RTN4: variants seen among roughly 807,000 people sequenced by gnomAD.
RTN4 encodes reticulon-4.
Under a neutral mutation model 90.4 loss-of-function variants are expected in RTN4, and 32 were observed. That is an observed-to-expected ratio of 0.35 (90% CI 0.27 to 0.48). RTN4 has a LOEUF of 0.48. RTN4 is among the 20% of genes least tolerant of loss of function. The pLI is 0.99. For synonymous variants in RTN4, 629 were observed against 552.5 expected, an observed-to-expected ratio of 1.14 and a Z score of -1.94; for missense variants, 1,706 against 1,430.2, an observed-to-expected ratio of 1.19 and a Z score of -3.11.
rs1267479812 is a variant in RTN4, at chr2:55,050,023, G to T, written c.278C>A (p.Pro93His). The T allele has an allele frequency of 2.9e-6, 4 of 1,391,122 alleles. No homozygotes were observed. Among genetic ancestry groups the T allele is most frequent in the Non-Finnish European group, 3.7e-6 (4 of 1,079,936 alleles). The allele number at this position is 1,391,122 out of a possible 1,614,324, so 86.2% of individuals were successfully genotyped here. Residue 93 changes from proline to histidine, a missense_variant, in exon 1 of 9, where the codon CCC (proline) becomes CAC (histidine). Pro to His is a moderately conservative substitution (Grantham distance 77, BLOSUM62 -2). Coordinates refer to ENST00000337526, the MANE Select transcript of RTN4 (RefSeq NM_020532.5). The surrounding 1 kb of genome is among the most constrained non-coding windows in gnomAD (Gnocchi z 4.6). ...GGCGACGGGGGGAGCGGCCGGCAGG[G>T]GTCCCCGGGGCGCCGGCGGCACGAA... is the stretch of plus-strand genomic sequence containing the variant. ...NDFVPPAPRG[P>H]LPAAPPVAPE...
At chr2:55,101,964 A>G (rs566239722) in intron 1 of RTN4, among the ~76,000 whole-genome samples, 5 of 152,254 alleles carry the variant, frequency 3.3e-5, no homozygotes, top group African/African-American at 1.2e-4. Flanking sequence ...AAAAGGAAAA[A>G]TAGAGTGAAA....
chr2:55,075,809 C>G (rs906709566), intron 2 of RTN4, among the ~76,000 whole-genome samples: 1 of 152,134 alleles, frequency 6.6e-6, no homozygotes, highest in African/African-American at 2.4e-5. Context: ...CAACTGATCT[C>G]TGACAAAGCA....
intron 1 of RTN4, among the ~76,000 whole-genome samples, chr2:55,094,173 C>G (rs1045731174): frequency 1.3e-5 from 2 of 152,080 alleles, no homozygotes; most frequent in African/African-American, 4.8e-5. Context: ...AGTAGAGTCC[C>G]CATGATGGGA....
At chr2:55,050,553 C>T (rs199647682), upstream of RTN4, 2 of 344,362 alleles carry the variant, frequency 5.8e-6, no homozygotes, top group Non-Finnish European at 5.2e-6. This position sits in a 1 kb window ranked among gnomAD's most constrained non-coding sequence, Gnocchi z 4.6. Flanking sequence ...GCGGACTCTC[C>T]GCCCAGTTTG....
chr2:54,985,285 G>C (rs1678469070), intron 4 of RTN4, among the ~76,000 whole-genome samples: 1 of 146,966 alleles, frequency 6.8e-6, no homozygotes, highest in African/African-American at 2.5e-5. Context: ...TCAGCTGCCT[G>C]AATAGCTGGG....
chr2:55,056,346 T>C (rs1474386331), intron 2 of RTN4: 2 of 152,076 alleles, frequency 1.3e-5, no homozygotes, highest in East Asian at 1.9e-4. Flanking sequence ...GTAACCCTTA[T>C]TTTACGTAAT....
chr2:55,025,241 G>A lies in RTN4; in HGVS notation c.2858C>T (p.Pro953Leu), dbSNP rs755927743. 3.7e-6 allele frequency: 6 copies of A among 1,613,834 alleles called. No individual in the cohort carries two copies. In the South Asian group the frequency reaches 5.5e-5, roughly 15 times the overall value. ...TTGAGTGGCCAAAGCAGAAACATCT[G>A]GAGGCAATAAGAGCACCTTTGATGT... Reference protein sequence around the residue: ...SATSKVLLLPPDVSALATQAE... With the variant: ...SATSKVLLLPLDVSALATQAE... The change falls in exon 3 of 9, where the codon CCA becomes CTA. Residue 953 changes from proline to leucine, a missense_variant. By Grantham distance (98) the Pro-to-Leu change is moderately conservative (BLOSUM62 -3). Coordinates refer to ENST00000337526, the MANE Select transcript of RTN4 (RefSeq NM_020532.5).
Position 55,050,257 on chromosome 2 carries a change from C to T in RTN4, c.44G>A (p.Ser15Asn), listed in dbSNP as rs1343239266. 1.3e-6 allele frequency: 2 copies of T among 1,534,474 alleles called. No homozygotes were observed. The highest frequency in any genetic ancestry group is 8.8e-7 in the Non-Finnish European group (1 of 1,141,878). Residue 15 changes from serine to asparagine, a missense_variant, in exon 1 of 9, where the codon AGC becomes AAC. Physicochemically the swap from Ser to Asn is conservative, Grantham distance 46. Coordinates refer to ENST00000337526, the MANE Select transcript of RTN4 (RefSeq NM_020532.5). The surrounding 1 kb of genome is among the most constrained non-coding windows in gnomAD (Gnocchi z 4.6). ...DQSPLVSSSD[S>N]PPRPQPAFKY... ...GAACGCGGGCTGCGGCCGGGGTGGG[C>T]TGTCCGAGGACGAGACCAGAGGAGA...
intron 2 of RTN4, among the ~76,000 whole-genome samples, chr2:55,072,047 C>A (rs1261565233): frequency 6.6e-6 from 1 of 152,104 alleles, no homozygotes; most frequent in African/African-American, 2.4e-5. Context: ...CTGCAATAAG[C>A]AGCTCCCACC....
the RTN4 span, among the ~76,000 whole-genome samples, chr2:55,120,213 C>T: frequency 6.6e-6 from 1 of 152,230 alleles, no homozygotes; most frequent in African/African-American, 2.4e-5. Context: ...CAGGCAGATG[C>T]TGAGGCCGAA....
intron 1 of RTN4, among the ~76,000 whole-genome samples, chr2:55,080,924 C>T (rs1390977477): frequency 2.6e-5 from 4 of 152,084 alleles, no homozygotes; most frequent in Non-Finnish European, 5.9e-5. Context: ...TTTTGAAAAC[C>T]TTTTGGACTT....
chr2:55,049,228 C>T, intron 1 of RTN4: 1 of 958,780 alleles, frequency 1.0e-6, no homozygotes, highest in Non-Finnish European at 1.2e-6. Context: ...GGGCCACCCA[C>T]GCCAGCCAGG....
At chr2:55,019,642 G>T (rs1367432765) in intron 3 of RTN4, among the ~76,000 whole-genome samples, 1 of 152,110 alleles carries the variant, frequency 6.6e-6, no homozygotes. Flanking sequence ...TTATAAAGTC[G>T]GGGGAAGAGA....
rs1395037649 is a variant in RTN4, at chr2:54,973,992, CAT to C, written c.3431-127_3431-126del. The C allele has an allele frequency of 3.8e-6, 3 of 781,036 alleles. No individual in the cohort carries two copies. The African/African-American group carries it at 5.2e-5, about 14-fold the overall frequency. The allele number at this position is 781,036 out of a possible 1,614,324, so 48.4% of individuals were successfully genotyped here. A position where few individuals can be genotyped will look rare whatever the true frequency, so the allele number is the denominator to read the frequency against. ...AGTGTTCCTAATGAATGAATAAAAA[CAT>C]AAGGATCTCTGGATGCATCTGCTGT... On this transcript the variant is annotated intron_variant, in intron 6 of 8. Coordinates refer to ENST00000337526, the MANE Select transcript of RTN4 (RefSeq NM_020532.5).
chr2:55,047,431 T>C (rs1667821376), intron 1 of RTN4, among the ~76,000 whole-genome samples: 1 of 152,144 alleles, frequency 6.6e-6, no homozygotes, highest in South Asian at 2.1e-4. Context: ...AGGAAAAGAT[T>C]GAGTTACTCC....
the RTN4 span, among the ~76,000 whole-genome samples, chr2:55,129,786 C>T: frequency 1.3e-5 from 2 of 152,254 alleles, no homozygotes; most frequent in African/African-American, 4.8e-5. Flanking sequence ...TGGTCTTGAG[C>T]TCCTGACCTC....
chr2:54,999,258 A>T (rs989530281), intron 3 of RTN4, among the ~76,000 whole-genome samples: 5 of 152,190 alleles, frequency 3.3e-5, no homozygotes, highest in African/African-American at 1.2e-4. Flanking sequence ...TAAAATAAAA[A>T]CTTCTGGCTC....
chr2:55,008,786 G>A (rs1399128458), intron 3 of RTN4, among the ~76,000 whole-genome samples: 2 of 152,120 alleles, frequency 1.3e-5, no homozygotes, highest in Non-Finnish European at 2.9e-5. Context: ...GTTGCAGAAT[G>A]AGCCCTGATA....
At chr2:55,098,573 ATAT>A (rs1228627722) in intron 1 of RTN4, among the ~76,000 whole-genome samples, 4 of 152,054 alleles carry the variant, frequency 2.6e-5, no homozygotes, top group African/African-American at 9.7e-5. Context: ...TAAAACCATA[ATAT>A]TATCACACCC....
Sources: gnomAD v4.1 joint callset for allele counts (sites outside exome capture counted in the v4.1 genomes callset) on GRCh38, gnomAD v4.1.1 for gene constraint, Gnocchi (gnomAD v3.1) non-coding constraint, MANE v1.5 for transcripts, NCBI Gene and HGNC (gene_info 2026-07-23, HGNC 2026-07-21) for gene names.